VPS37A: variants seen among roughly 807,000 people sequenced by gnomAD.
VPS37A encodes VPS37A subunit of ESCRT-I, also known as vacuolar protein sorting-associated protein 37A.
In VPS37A, 30 loss-of-function variants were observed where a neutral mutation model predicts 49.8. The ratio of observed to expected loss-of-function variants is 0.60; its 90% confidence interval spans 0.45 to 0.82. The LOEUF is 0.82. Ranked by LOEUF, VPS37A falls within the 40% of genes least tolerant of loss-of-function variation. The pLI is 0.00. For synonymous variants in VPS37A, 195 were observed against 160.6 expected, an observed-to-expected ratio of 1.21 and a Z score of -1.62; for missense variants, 593 against 464.4, an observed-to-expected ratio of 1.28 and a Z score of -2.55.
intron 1 of VPS37A, 91 bp downstream of exon 1, chr8:17,247,460 C>G: frequency 6.8e-7 from 1 of 1,477,284 alleles, no homozygotes; most frequent in Non-Finnish European, 9.0e-7. Flanking sequence ...AGTCTGCTCC[C>G]CACCAGCTCC....
the VPS37A span, among the ~76,000 whole-genome samples, chr8:17,325,425 A>T: frequency 6.6e-6 from 1 of 152,216 alleles, no homozygotes; most frequent in African/African-American, 2.4e-5. Flanking sequence ...TGACTTTGCC[A>T]CAAAACATTC....
In VPS37A at chr8:17,282,556, A is replaced by T. The variant is rs549569240; in HGVS notation, c.970-1917A>T. ...TGAAATCAAAATTGAAGTTAAAAAA[A>T]GGGTACAGATATTTTTAGCCTATAC... On this transcript the variant is annotated intron_variant, in intron 9 of 11. Transcript: ENST00000324849. 3.9e-5 allele frequency among the ~76,000 whole-genome samples: 6 copies of T among 152,316 alleles called. No homozygotes were observed. The South Asian group carries it at 1.2e-3, about 32-fold the overall frequency.
At chr8:17,299,773 T>G, downstream of VPS37A, 1 of 1,534,968 alleles carries the variant, frequency 6.5e-7, no homozygotes, top group Non-Finnish European at 8.8e-7. Flanking sequence ...ACATGCACCA[T>G]TTCCTGTTTT....
intron 6 of VPS37A, among the ~76,000 whole-genome samples, chr8:17,278,426 C>A (rs962890794): frequency 2.6e-5 from 4 of 152,026 alleles, no homozygotes; most frequent in Non-Finnish European, 4.4e-5. Flanking sequence ...TCATACAGGA[C>A]CAAGAAAAAT....
rs145252025 is a variant in VPS37A at position 17,290,214 on chromosome 8, G to A, written c.*3787G>A. ...TTTCTTTTTCTTGCCTCATTGCACT[G>A]GCCAGAACTTCCAGTACTGTGTTGA... On this transcript the variant is annotated intron_variant, in intron 11 of 11. Transcript: ENST00000324849. 3.1e-3 allele frequency among the ~76,000 whole-genome samples: 473 copies of A among 152,236 alleles called. 4 individuals carry two copies. Among genetic ancestry groups the A allele is most frequent in the African/African-American group, 0.011 (444 of 41,528 alleles).
At chr8:17,251,373 G>A (rs1282115438) in intron 1 of VPS37A, among the ~76,000 whole-genome samples, 1 of 152,216 alleles carries the variant, frequency 6.6e-6, no homozygotes, top group African/African-American at 2.4e-5. Flanking sequence ...CAGCAATTGT[G>A]ATTCCTGTCA....
downstream of VPS37A, among the ~76,000 whole-genome samples, chr8:17,301,228 G>A (rs554386943): frequency 6.6e-6 from 1 of 152,346 alleles, no homozygotes; most frequent in Non-Finnish European, 1.5e-5. Flanking sequence ...TAGTGGAGCA[G>A]AGAGAGGCAG....
At chr8:17,327,014 T>G in the VPS37A span, among the ~76,000 whole-genome samples, 3 of 152,256 alleles carry the variant, frequency 2.0e-5, no homozygotes, top group Non-Finnish European at 4.4e-5. Context: ...CTCCTAGTCT[T>G]TCTTCAGACA....
At chr8:17,259,056 T>G (rs943830201) in intron 1 of VPS37A, among the ~76,000 whole-genome samples, 2 of 152,088 alleles carry the variant, frequency 1.3e-5, no homozygotes, top group Non-Finnish European at 2.9e-5. Flanking sequence ...CTTTTCATTT[T>G]CTTGATCTTT....
rs1277428058 is a variant in VPS37A, at chr8:17,297,654, T to C, written c.*2668T>C. 6.6e-6 allele frequency: 1 copy of C among 152,090 alleles called. No homozygotes were observed. The highest frequency in any genetic ancestry group is 2.4e-5 in the African/African-American group (1 of 41,458). The allele number at this position is 152,090 out of a possible 1,614,324, so 9.4% of individuals were successfully genotyped here. A position where few individuals can be genotyped will look rare whatever the true frequency, so the allele number is the denominator to read the frequency against. ...CTCAAATCAGTTTTATACTGGATTA[T>C]TCCCTATGCTTTAAACCACTGCTCT... On this transcript the variant is annotated 3_prime_UTR_variant, in exon 12 of 12. Transcript: ENST00000324849.
chr8:17,328,340 G>C, the VPS37A span, among the ~76,000 whole-genome samples: 1 of 152,164 alleles, frequency 6.6e-6, no homozygotes, highest in African/African-American at 2.4e-5. Context: ...GGATGCCTAA[G>C]AGGTAAAAGC....
At chr8:17,280,182 A>T (rs560249010) in intron 7 of VPS37A, 27 bp downstream of exon 7, 1 of 1,610,770 alleles carries the variant, frequency 6.2e-7, no homozygotes, top group Non-Finnish European at 8.5e-7. Flanking sequence ...CTGAGCGCAC[A>T]TTTCCTGAAA....
chr8:17,275,427 A>C (rs978224184), intron 5 of VPS37A, among the ~76,000 whole-genome samples: 6 of 152,202 alleles, frequency 3.9e-5, no homozygotes, highest in Non-Finnish European at 2.9e-5. Context: ...ATTCTTTGAG[A>C]GGCAGTAACA....
downstream of VPS37A, chr8:17,301,880 T>C: frequency 2.3e-6 from 1 of 428,968 alleles, no homozygotes; most frequent in Non-Finnish European, 4.1e-6. Context: ...TTTACTACTC[T>C]CAAATAACAG....
chr8:17,273,518 C>A (rs1039096015), intron 4 of VPS37A, among the ~76,000 whole-genome samples: 3 of 152,132 alleles, frequency 2.0e-5, no homozygotes, highest in African/African-American at 7.2e-5. Flanking sequence ...AGGCGCCCAC[C>A]ACTACGCCCA....
At chr8:17,256,092 T>C (rs1812420116) in intron 1 of VPS37A, among the ~76,000 whole-genome samples, 1 of 152,104 alleles carries the variant, frequency 6.6e-6, no homozygotes. Context: ...CATTTTTTTT[T>C]TCAAGGTTCT....
chr8:17,315,021 T>C, the VPS37A span, among the ~76,000 whole-genome samples: 27,559 of 131,334 alleles, frequency 0.21, 2,618 homozygotes, highest in African/African-American at 0.24. Context: ...TATGGCTATA[T>C]ATTAGCCCTG....
chr8:17,314,361 G>A, the VPS37A span, among the ~76,000 whole-genome samples: 1 of 151,980 alleles, frequency 6.6e-6, no homozygotes, highest in South Asian at 2.1e-4. Context: ...CAACTCCATG[G>A]GCAATGAGCT....
the VPS37A span, chr8:17,311,468 G>A: frequency 6.2e-7 from 1 of 1,612,892 alleles, no homozygotes; most frequent in Non-Finnish European, 8.5e-7. Context: ...TCCATTCCTG[G>A]TCAAGGCACC....
Sources: allele counts gnomAD v4.1 joint callset (sites outside exome capture counted in the v4.1 genomes callset), GRCh38; gene constraint gnomAD v4.1.1; transcripts MANE v1.5; gene names NCBI Gene and HGNC (gene_info 2026-07-23, HGNC 2026-07-21).